Variants in THYN1 observed in about 807,000 individuals in gnomAD.
THYN1 encodes the protein thymocyte protein thy28.
In THYN1, 32 loss-of-function variants were observed where a neutral mutation model predicts 30.6. That is an observed-to-expected ratio of 1.05 (90% CI 0.79 to 1.40). THYN1 has a LOEUF of 1.40. THYN1 is among the 40% of genes most tolerant of loss of function. The pLI is 0.00. For synonymous variants in THYN1, 107 were observed against 90.8 expected, an observed-to-expected ratio of 1.18 and a Z score of -1.01; for missense variants, 259 against 272.6, an observed-to-expected ratio of 0.95 and a Z score of 0.35.
chr11:134,252,013 A>G (rs1282396743), intron 1 of THYN1: 1 of 152,084 alleles, frequency 6.6e-6, no homozygotes, highest in East Asian at 1.9e-4. Context: ...GAGATGTTCT[A>G]CTCTTCATCT....
At chr11:134,252,364 A>G (rs1040126597) in intron 1 of THYN1, among the ~76,000 whole-genome samples, 2 of 152,130 alleles carry the variant, frequency 1.3e-5, no homozygotes, top group Non-Finnish European at 1.5e-5. Context: ...CTCCTCCTCC[A>G]TCCACTTAGA....
At chr11:134,249,955 A>G (rs762223856) in intron 3 of THYN1, 35 bp from the exon 4 acceptor site, 1 of 1,592,802 alleles carries the variant, frequency 6.3e-7, no homozygotes, top group Non-Finnish European at 8.6e-7. Flanking sequence ...CTATCCTCCC[A>G]CCAGCTGGAA....
At position 134,253,046 on chromosome 11, in the gene THYN1, C is replaced by T. The variant is rs903847425; in HGVS notation, c.-164G>A. On this transcript the variant is annotated 5_prime_UTR_variant, in exon 1 of 7. Coordinates refer to ENST00000341541, the MANE Select transcript of THYN1 (RefSeq NM_014174.3). Reference sequence around the variant, plus strand: ...GAAACACAGACGCCTACGTTTGAGCCCTCAAATCCTTCCCTCCGTTATCTG... The same window carrying T: ...GAAACACAGACGCCTACGTTTGAGCTCTCAAATCCTTCCCTCCGTTATCTG... 7 of 1,401,242 alleles carry T rather than the reference C, an allele frequency of 5.0e-6. No individual in the cohort carries two copies. The African/African-American group carries it at 8.9e-5, about 18-fold the overall frequency. The allele number at this position is 1,401,242 out of a possible 1,614,324, so 86.8% of individuals were successfully genotyped here. A position where few individuals can be genotyped will look rare whatever the true frequency, so the allele number is the denominator to read the frequency against.
At position 134,252,975 on chromosome 11, in the gene THYN1, G is replaced by C. The variant is rs1939191991; in HGVS notation, c.-93C>G. On this transcript the variant is annotated 5_prime_UTR_variant, in exon 1 of 7. Coordinates refer to ENST00000341541, the MANE Select transcript of THYN1 (RefSeq NM_014174.3). Reference sequence around the variant, plus strand: ...ATGTCCTCCAAAACCCGCGCAGAGCGAGATGGAGGCAACGAGAGGCAGCCT... The same window carrying C: ...ATGTCCTCCAAAACCCGCGCAGAGCCAGATGGAGGCAACGAGAGGCAGCCT... 1.3e-6 allele frequency: 2 copies of C among 1,488,944 alleles called. No homozygotes were observed. Among genetic ancestry groups the C allele is most frequent in the Non-Finnish European group, 1.8e-6 (2 of 1,122,554 alleles). The allele number at this position is 1,488,944 out of a possible 1,614,324, so 92.2% of individuals were successfully genotyped here.
chr11:134,250,872 T>G (rs1253282116), intron 2 of THYN1, among the ~76,000 whole-genome samples: 7 of 152,184 alleles, frequency 4.6e-5, no homozygotes, highest in Non-Finnish European at 5.9e-5. Context: ...AGGGCAGGGT[T>G]GCAACAGAGA....
In THYN1 at chr11:134,251,318, G is replaced by A; in HGVS notation, c.44-10C>T. On this transcript the variant is annotated splice_polypyrimidine_tract_variant and intron_variant, in intron 1 of 6. Coordinates refer to ENST00000341541, the MANE Select transcript of THYN1 (RefSeq NM_014174.3). ...CCTGATAGTCCCTTGTCTGCAATAG[G>A]AGAAGCAAAAAGAAAAGATCATGCT... The A allele has an allele frequency of 1.3e-6, 2 of 1,594,742 alleles. No individual in the cohort carries two copies. The highest frequency in any genetic ancestry group is 1.7e-4 in the Middle Eastern group (1 of 5,956).
At position 134,251,248 on chromosome 11, in the gene THYN1, ACT is replaced by A; in HGVS notation, c.102_103del (p.Lys34AsnfsTer13). ...AGTCTTCTGAGGGTTGGAGTCCTCC[ACT>A]TTAGCTAATGCCTCACCTGAGTTCT... On this transcript the variant is annotated frameshift_variant, in exon 2 of 7. Coordinates refer to ENST00000341541, the MANE Select transcript of THYN1 (RefSeq NM_014174.3). LOFTEE classifies it high-confidence loss of function. 1 of 1,614,148 alleles carries A rather than the reference ACT, an allele frequency of 6.2e-7. No individual in the cohort carries two copies. The highest frequency in any genetic ancestry group is 8.5e-7 in the Non-Finnish European group (1 of 1,179,988).
At chr11:134,252,410 A>C (rs1939122278) in intron 1 of THYN1, among the ~76,000 whole-genome samples, 1 of 152,112 alleles carries the variant, frequency 6.6e-6, no homozygotes, top group Non-Finnish European at 1.5e-5. Flanking sequence ...AAACGACATC[A>C]CGTTTTCTTA....
chr11:134,251,580 CAT>C (rs1481508912), intron 1 of THYN1: 5 of 347,278 alleles, frequency 1.4e-5, no homozygotes, highest in African/African-American at 8.5e-5. Context: ...GTAGTCAATA[CAT>C]GTTTTCCTTT....
At chr11:134,249,720 G>GC in intron 4 of THYN1, 108 bp downstream of exon 4, 1 of 1,054,886 alleles carries the variant, frequency 9.5e-7, no homozygotes, top group East Asian at 2.4e-5. Flanking sequence ...GGATGGGGTG[G>GC]GGGGGAGTGT....
rs1282478511 is a variant in THYN1, at chr11:134,249,817, G to A, written c.384+11C>T. Reference sequence around the variant, plus strand: ...GGAAAAGGGATTCACACCAAAACCTGCCCAACTAACCTTCATGAGTCCTGC... The same window carrying A: ...GGAAAAGGGATTCACACCAAAACCTACCCAACTAACCTTCATGAGTCCTGC... On this transcript the variant is annotated intron_variant, in intron 4 of 6. Transcript: ENST00000341541. 2 of 1,613,498 alleles carry A rather than the reference G, an allele frequency of 1.2e-6. No individual in the cohort carries two copies. The highest frequency in any genetic ancestry group is 1.7e-6 in the Non-Finnish European group (2 of 1,179,702).
chr11:134,248,804 CTT>C lies in THYN1; in HGVS notation c.631+3_631+4del. The C allele has an allele frequency of 6.2e-7, 1 of 1,614,018 alleles. No individual in the cohort carries two copies. Among genetic ancestry groups the C allele is most frequent in the Non-Finnish European group, 8.5e-7 (1 of 1,179,928 alleles). ...TGGACAATAAAGGAGAGGGCCCACT[CTT>C]ACCCTGGGTCAGGGGCTGGATTGAT... On this transcript the variant is annotated splice_donor_region_variant and intron_variant, in intron 6 of 6. Transcript: ENST00000341541.
In THYN1 at chr11:134,251,581, A is replaced by G. The variant is rs964292723; in HGVS notation, c.44-273T>C. ...TAAAGGTCCGGACAGTAGTCAATAC[A>G]TGTTTTCCTTTCCTCACTCTCTCTT... On this transcript the variant is annotated intron_variant, in intron 1 of 6. Transcript: ENST00000341541. 1.5e-5 allele frequency: 5 copies of G among 343,722 alleles called. No homozygotes were observed. The South Asian group carries it at 3.1e-4, about 21-fold the overall frequency. The allele number at this position is 343,722 out of a possible 1,614,324, so 21.3% of individuals were successfully genotyped here.
At chr11:134,249,354 C>T (rs921289467) in intron 4 of THYN1, 92 bp from the exon 5 acceptor site, 2 of 1,308,852 alleles carry the variant, frequency 1.5e-6, no homozygotes, top group Non-Finnish European at 2.2e-6. Flanking sequence ...TTCTTCCCTG[C>T]ACATTCTTAA....
At chr11:134,249,973 G>T in intron 3 of THYN1, 53 bp from the exon 4 acceptor site, 1 of 1,547,006 alleles carries the variant, frequency 6.5e-7, no homozygotes, top group Non-Finnish European at 8.8e-7. Context: ...GAAAGTACTA[G>T]CTTTTAGCAG....
rs11827728 is a variant in THYN1 at position 134,252,985 on chromosome 11, C to G, written c.-103G>C. On this transcript the variant is annotated 5_prime_UTR_variant, in exon 1 of 7. Transcript: ENST00000341541. ...AAACCCGCGCAGAGCGAGATGGAGGCAACGAGAGGCAGCCTAGAACGTCTC... is the reference window on the plus strand; with the variant it reads ...AAACCCGCGCAGAGCGAGATGGAGGGAACGAGAGGCAGCCTAGAACGTCTC... 3.5e-3 allele frequency: 5,172 copies of G among 1,484,516 alleles called. 147 individuals carry two copies. In the African/African-American group the frequency reaches 0.066, roughly 19 times the overall value. The allele number at this position is 1,484,516 out of a possible 1,614,324, so 92.0% of individuals were successfully genotyped here.
chr11:134,249,412 CAATATATAGTCT>C (rs1431098647), intron 4 of THYN1, 150 bp from the exon 5 acceptor site: 7 of 709,638 alleles, frequency 9.9e-6, no homozygotes, highest in Non-Finnish European at 1.7e-5. Context: ...TATTTGGAAA[CAATATATAGTCT>C]AATATATAGA....
intron 6 of THYN1, 94 bp downstream of exon 6, chr11:134,248,715 G>A: frequency 6.5e-7 from 1 of 1,549,978 alleles, no homozygotes; most frequent in Non-Finnish European, 8.8e-7. Context: ...ACTGAGAAAG[G>A]TGAAGTACCA....
rs1428508755 is a variant in THYN1 at position 134,249,906 on chromosome 11, A to G, written c.306T>C (p.Leu102=). 18 of 1,613,852 alleles carry G rather than the reference A, an allele frequency of 1.1e-5. No individual in the cohort carries two copies. In the Admixed American group the frequency reaches 2.8e-4, roughly 25 times the overall value. Residue 102 remains leucine (L), a synonymous_variant, in exon 4 of 7, where the codon CTT becomes CTC. Coordinates refer to ENST00000341541, the MANE Select transcript of THYN1 (RefSeq NM_014174.3). ...CTTCTTCTCCCAGCTTCATGGCTCT[A>G]AGGAAGTTCCGAGCCTGTCCCGGGA... ...GVRNYQARNF[L]RAMKLGEEAF... is the part of the protein sequence containing the mutation.
Sources: gnomAD v4.1 joint callset for allele counts (sites outside exome capture counted in the v4.1 genomes callset) on GRCh38, gnomAD v4.1.1 for gene constraint, MANE v1.5 for transcripts, NCBI Gene and HGNC (gene_info 2026-07-23, HGNC 2026-07-21) for gene names.